The following SDK1 variants were observed in gnomAD, a reference collection of about 807,000 sequenced individuals.
SDK1 encodes protein sidekick-1.
Under a neutral mutation model 245.5 loss-of-function variants are expected in SDK1, and 157 were observed. That is an observed-to-expected ratio of 0.64 (90% CI 0.56 to 0.73). SDK1 has a LOEUF of 0.73. Among genes scored for constraint, SDK1 ranks in the 30% least tolerant of loss-of-function variants. The pLI, the probability that SDK1 is intolerant of heterozygous loss-of-function variation, is 0.00. For synonymous variants in SDK1, 1,647 were observed against 1,278.5 expected (o/e 1.29, Z -6.15); for missense variants, 3,583 against 3,002.3 (o/e 1.19, Z -4.52).
At chr7:3,478,345 A>G (rs958544533) in intron 1 of SDK1, among the ~76,000 whole-genome samples, 8 of 152,024 alleles carry the variant, frequency 5.3e-5, no homozygotes, top group Non-Finnish European at 5.9e-5. Context: ...ATCCCTTTTA[A>G]TGTATTTTAG....
intron 1 of SDK1, among the ~76,000 whole-genome samples, chr7:3,592,066 A>G (rs1459925183): frequency 1.3e-5 from 2 of 152,196 alleles, no homozygotes; most frequent in African/African-American, 2.4e-5. Flanking sequence ...AGCCCTTTGT[A>G]TCACTATCAG....
intron 5 of SDK1, among the ~76,000 whole-genome samples, chr7:3,930,575 G>T (rs1167344867): frequency 6.6e-6 from 1 of 152,172 alleles, no homozygotes; most frequent in Non-Finnish European, 1.5e-5. Context: ...TGAAAATCCT[G>T]GCATCAAATT....
In SDK1 at chr7:4,106,547, C is replaced by T. The variant is rs561840815; in HGVS notation, c.3325-4116C>T. Among the ~76,000 whole-genome samples, 17 of 152,242 alleles carry T rather than the reference C, an allele frequency of 1.1e-4. No homozygotes were observed. The South Asian group carries it at 2.7e-3, about 24-fold the overall frequency. On this transcript the variant is annotated intron_variant, in intron 22 of 44. Transcript: ENST00000404826. ...TCCTGACCTTGTGATCCACCCACCTCGACCTCCCAAAGTGCTGGGATTACA... is the reference window on the plus strand; with the variant it reads ...TCCTGACCTTGTGATCCACCCACCTTGACCTCCCAAAGTGCTGGGATTACA...
intron 4 of SDK1, among the ~76,000 whole-genome samples, chr7:3,803,814 G>A (rs1420191813): frequency 6.7e-6 from 1 of 148,654 alleles, no homozygotes; most frequent in East Asian, 2.0e-4. Flanking sequence ...GTGGTGGCTG[G>A]AATGCAGTGG....
At chr7:3,680,962 C>T (rs775949208) in intron 4 of SDK1, among the ~76,000 whole-genome samples, 2 of 152,160 alleles carry the variant, frequency 1.3e-5, no homozygotes, top group Non-Finnish European at 2.9e-5. Context: ...CCTGCCTCAG[C>T]CTCCGGAGTA....
intron 41 of SDK1, among the ~76,000 whole-genome samples, chr7:4,234,779 A>C (rs1583142339): frequency 6.6e-6 from 1 of 152,198 alleles, no homozygotes; most frequent in Non-Finnish European, 1.5e-5. Flanking sequence ...GACCGGCTGC[A>C]AGCCAGGGCG....
intron 29 of SDK1, among the ~76,000 whole-genome samples, chr7:4,146,463 A>T (rs1779991157): frequency 6.6e-6 from 1 of 150,974 alleles, no homozygotes; most frequent in African/African-American, 2.4e-5. Context: ...ACACACTTTC[A>T]GCCTCACACC....
At chr7:3,798,452 T>C (rs1049866575) in intron 4 of SDK1, among the ~76,000 whole-genome samples, 17 of 152,016 alleles carry the variant, frequency 1.1e-4, no homozygotes, top group South Asian at 8.3e-4. Context: ...CTCCTGACCT[T>C]GTGATCCACC....
chr7:4,182,211 G>A (rs893541930), intron 35 of SDK1, among the ~76,000 whole-genome samples: 1 of 152,136 alleles, frequency 6.6e-6, no homozygotes, highest in Non-Finnish European at 1.5e-5. Flanking sequence ...CCCCTGAGGA[G>A]CGGCTGCCAC....
intron 1 of SDK1, among the ~76,000 whole-genome samples, chr7:3,366,830 C>T (rs1264941457): frequency 2.6e-5 from 4 of 152,068 alleles, no homozygotes; most frequent in African/African-American, 9.7e-5. Context: ...CAACCTCTGC[C>T]TCCTGGGTTC....
intron 4 of SDK1, among the ~76,000 whole-genome samples, chr7:3,782,819 C>G (rs1241857884): frequency 6.6e-6 from 1 of 152,106 alleles, no homozygotes; most frequent in Non-Finnish European, 1.5e-5. Context: ...TTGAAAAATT[C>G]TAAGTTGAAC....
chr7:4,138,241 T>G (rs1225550712), intron 28 of SDK1, among the ~76,000 whole-genome samples: 1 of 152,058 alleles, frequency 6.6e-6, no homozygotes, highest in African/African-American at 2.4e-5. Context: ...ATCCTAAAGG[T>G]CAGGGGAGGG....
chr7:3,953,125 C>T (rs1156514645), intron 7 of SDK1, among the ~76,000 whole-genome samples: 2 of 151,570 alleles, frequency 1.3e-5, no homozygotes, highest in African/African-American at 4.9e-5. Flanking sequence ...CCTCAGAGAG[C>T]CCCTTAAATA....
intron 1 of SDK1, among the ~76,000 whole-genome samples, chr7:3,405,485 C>T (rs1032955506): frequency 6.6e-6 from 1 of 152,342 alleles, no homozygotes; most frequent in East Asian, 1.9e-4. Flanking sequence ...TATGCTTTTA[C>T]AGATCTCTGT....
chr7:3,759,881 C>G (rs902682445), intron 4 of SDK1, among the ~76,000 whole-genome samples: 1 of 152,204 alleles, frequency 6.6e-6, no homozygotes, highest in African/African-American at 2.4e-5. Flanking sequence ...GTGTGAGCCA[C>G]TGTGCCCAGG....
At chr7:3,647,507 A>C (rs534932715) in intron 4 of SDK1, among the ~76,000 whole-genome samples, 1 of 151,792 alleles carries the variant, frequency 6.6e-6, no homozygotes, top group African/African-American at 2.4e-5. Flanking sequence ...GCTCACTGCA[A>C]CCTCCAACTC....
intron 4 of SDK1, among the ~76,000 whole-genome samples, chr7:3,715,805 A>G (rs1258626637): frequency 6.6e-6 from 1 of 152,210 alleles, no homozygotes; most frequent in Non-Finnish European, 1.5e-5. Context: ...GACACAATCA[A>G]CTGAGGCCAA....
rs190995579 is a variant in SDK1, at chr7:3,886,916, A to T, written c.848-64007A>T. On this transcript the variant is annotated intron_variant, in intron 5 of 44. Transcript: ENST00000404826. ...GGGCAAGAGAATGAGATCTCAATTT[A>T]AAAAACTTGGCTCTTGAAGTGCCAA... 5.3e-3 allele frequency among the ~76,000 whole-genome samples: 801 copies of T among 152,338 alleles called. 6 individuals carry two copies. The highest frequency in any genetic ancestry group is 7.7e-3 in the Non-Finnish European group (523 of 68,034).
chr7:3,637,163 T>C (rs568503077), intron 2 of SDK1, among the ~76,000 whole-genome samples: 2 of 152,172 alleles, frequency 1.3e-5, no homozygotes, highest in East Asian at 3.9e-4. Context: ...AGTGGTGCAA[T>C]CTTAGTTCAC....
Sources: allele counts gnomAD v4.1 joint callset (sites outside exome capture counted in the v4.1 genomes callset), GRCh38; gene constraint gnomAD v4.1.1; transcripts MANE v1.5; gene names NCBI Gene and HGNC (gene_info 2026-07-23, HGNC 2026-07-21).